Variants in ZNF490 observed in about 807,000 individuals in gnomAD.
ZNF490 encodes the protein zinc finger protein 490.
ZNF490 carries 11 observed loss-of-function variants against 17.7 expected under a neutral mutation model. The ratio of observed to expected loss-of-function variants is 0.62; its 90% CI spans 0.39 to 1.03. The LOEUF (loss-of-function observed/expected upper bound fraction) is 1.03, where lower values mean the gene tolerates loss of function less well. Among genes scored for constraint, ZNF490 ranks in the 50% least tolerant of loss-of-function variants. The pLI is 0.00. For synonymous variants in ZNF490, 222 were observed against 216.1 expected, an observed-to-expected ratio of 1.03 and a Z score of -0.24; for missense variants, 542 against 643.4, an observed-to-expected ratio of 0.84 and a Z score of 1.71.
At chr19:12,601,399 AC>A (rs1180257267) in intron 2 of ZNF490, among the ~76,000 whole-genome samples, 4 of 151,484 alleles carry the variant, frequency 2.6e-5, no homozygotes, top group African/African-American at 9.7e-5. Context: ...AAAAAAAAAA[AC>A]AAAAACAAAG....
chr19:12,603,691 C>T (rs2023033123), intron 2 of ZNF490, among the ~76,000 whole-genome samples: 1 of 151,078 alleles, frequency 6.6e-6, no homozygotes, highest in Non-Finnish European at 1.5e-5. Context: ...ACTCAGGAGG[C>T]TGTGGTGGGA....
chr19:12,598,240 A>C (rs1432744780), intron 2 of ZNF490, among the ~76,000 whole-genome samples: 1 of 104,940 alleles, frequency 9.5e-6, no homozygotes, highest in Non-Finnish European at 2.7e-5. Context: ...ACAACAATTA[A>C]AAAAAATAGC....
chr19:12,598,770 T>C (rs2022965554), intron 2 of ZNF490, among the ~76,000 whole-genome samples: 1 of 150,400 alleles, frequency 6.6e-6, no homozygotes, highest in Non-Finnish European at 1.5e-5. Flanking sequence ...AGGCGGATCA[T>C]GAGGTCAGGA....
intron 2 of ZNF490, among the ~76,000 whole-genome samples, chr19:12,588,183 G>C (rs986675637): frequency 6.6e-6 from 1 of 151,750 alleles, no homozygotes. Context: ...ATTTTTAGTA[G>C]AGATAGGGTT....
At chr19:12,597,595 T>TAACA (rs1355576021) in intron 2 of ZNF490, among the ~76,000 whole-genome samples, 1 of 152,210 alleles carries the variant, frequency 6.6e-6, no homozygotes, top group East Asian at 1.9e-4. Flanking sequence ...ATTGATTGAA[T>TAACA]AACATCCCAT....
intron 2 of ZNF490, among the ~76,000 whole-genome samples, chr19:12,589,630 A>G (rs2022843141): frequency 7.3e-6 from 1 of 137,352 alleles, no homozygotes; most frequent in Admixed American, 7.9e-5. Flanking sequence ...TATATTGGCT[A>G]TTCAGAGGCG....
Position 12,583,754 on chromosome 19 carries a change from GCGCTCTCTCTCTCTCT to G in ZNF490, c.163-214_163-199del, listed in dbSNP as rs1325173733. On this transcript the variant is annotated intron_variant, in intron 2 of 4. Coordinates refer to ENST00000311437, the MANE Select transcript of ZNF490 (RefSeq NM_020714.3). ...CTATCGTGAACATACAAAAATTATT[GCGCTCTCTCTCTCTCT>G]CTCTCTCTCTCTCTCTCTCTCTATA... 5.6e-3 allele frequency among the ~76,000 whole-genome samples: 393 copies of G among 70,370 alleles called. 9 individuals carry two copies. The highest frequency in any genetic ancestry group is 0.015 in the African/African-American group (271 of 17,598). 46.2% of individuals were successfully genotyped at this position (70,370 alleles called of 152,430 possible).
In ZNF490 at chr19:12,580,393, G is replaced by A. The variant is rs913188378; in HGVS notation, c.*92C>T. 23 of 1,504,164 alleles carry A rather than the reference G, an allele frequency of 1.5e-5. No individual in the cohort carries two copies. Among genetic ancestry groups the A allele is most frequent in the East Asian group, 1.1e-4 (5 of 44,066 alleles). The allele number at this position is 1,504,164 out of a possible 1,614,324, so 93.2% of individuals were successfully genotyped here. ...GGACAACTGAAGGCTTAATCACACC[G>A]TTTACATTCCTTGAATTTCTCTCCA... is the stretch of plus-strand genomic sequence containing the variant. On this transcript the variant is annotated 3_prime_UTR_variant, in exon 5 of 5. Transcript: ENST00000311437.
At chr19:12,586,020 G>A (rs1228244263) in intron 2 of ZNF490, among the ~76,000 whole-genome samples, 1 of 92,314 alleles carries the variant, frequency 1.1e-5, no homozygotes, top group East Asian at 2.1e-4. Flanking sequence ...AGTAGAACAG[G>A]CCAGGTGTGG....
Position 12,578,332 on chromosome 19 carries a change from G to A in ZNF490, c.*2153C>T. The A allele has an allele frequency of 1.0e-6, 1 of 985,634 alleles. No individual in the cohort carries two copies. 61.1% of individuals were successfully genotyped at this position (985,634 alleles called of 1,614,324 possible). A position where few individuals can be genotyped will look rare whatever the true frequency, so the allele number is the denominator to read the frequency against. On this transcript the variant is annotated 3_prime_UTR_variant, in exon 5 of 5. Transcript: ENST00000311437. ...TGTCTGTGACTCCACTAGCAGTTTT[G>A]AGATTATTCTGACTGTGGTGGTTGG... is the stretch of plus-strand genomic sequence containing the variant.
chr19:12,608,197 G>A lies in ZNF490; in HGVS notation c.162+961C>T, dbSNP rs117944879. Among the ~76,000 whole-genome samples, 887 of 152,204 alleles carry A rather than the reference G, an allele frequency of 5.8e-3. 6 individuals are homozygous for A. Among genetic ancestry groups the A allele is most frequent in the Admixed American group, 9.4e-3 (144 of 15,276 alleles). On this transcript the variant is annotated intron_variant, in intron 2 of 4. Transcript: ENST00000311437. ...CCCGACACTAACCCGTGCCTTATCC[G>A]TCTCTTGCATGTTTACCTTGAAGGT...
intron 2 of ZNF490, among the ~76,000 whole-genome samples, chr19:12,601,850 C>T (rs376116242): frequency 1.3e-5 from 2 of 151,494 alleles, no homozygotes; most frequent in African/African-American, 4.9e-5. Flanking sequence ...AAAAATTAGC[C>T]GGGCTTGGTG....
chr19:12,604,253 C>T (rs922382284), intron 2 of ZNF490, among the ~76,000 whole-genome samples: 29 of 152,168 alleles, frequency 1.9e-4, no homozygotes, highest in African/African-American at 5.1e-4. Context: ...TGGTGGCTCA[C>T]GCCTGTAATC....
rs181189480 is a variant in ZNF490 at position 12,584,346 on chromosome 19, C to T, written c.163-790G>A. Among the ~76,000 whole-genome samples the T allele has an allele frequency of 4.0e-3, 354 of 88,266 alleles. 123 individuals carry two copies. The highest frequency in any genetic ancestry group is 0.013 in the Admixed American group (117 of 9,230). The allele number at this position is 88,266 out of a possible 152,430, so 57.9% of individuals were successfully genotyped here. The stretch of plus-strand genomic sequence containing the variant: ...TAATTTTTTGTATTTTTAGTAGAGA[C>T]GGGGTTTCACCATGTTAGCCAGGAT... On this transcript the variant is annotated intron_variant, in intron 2 of 4. Coordinates refer to ENST00000311437, the MANE Select transcript of ZNF490 (RefSeq NM_020714.3).
At chr19:12,610,305 C>A (rs1268353982) in intron 1 of ZNF490, among the ~76,000 whole-genome samples, 2 of 148,310 alleles carry the variant, frequency 1.3e-5, no homozygotes, top group Non-Finnish European at 3.0e-5. Flanking sequence ...CACCCACCCC[C>A]CGACCTCCCC....
intron 2 of ZNF490, among the ~76,000 whole-genome samples, chr19:12,608,663 A>T (rs2023102563): frequency 6.6e-6 from 1 of 151,936 alleles, no homozygotes; most frequent in Non-Finnish European, 1.5e-5. Flanking sequence ...TTTAATAGAG[A>T]TGAGGTTTCA....
Position 12,579,968 on chromosome 19 carries a change from G to C in ZNF490, c.*517C>G. 5.5e-6 allele frequency: 1 copy of C among 181,082 alleles called. No homozygotes were observed. Among genetic ancestry groups the C allele is most frequent in the Non-Finnish European group, 1.1e-5 (1 of 94,326 alleles). The allele number at this position is 181,082 out of a possible 1,614,324, so 11.2% of individuals were successfully genotyped here. ...ACTAAAATTACAAAATTAGCCAGGCGTGGTGGCGCATGCCTGTAATCCCAG... is the reference window on the plus strand; with the variant it reads ...ACTAAAATTACAAAATTAGCCAGGCCTGGTGGCGCATGCCTGTAATCCCAG... On this transcript the variant is annotated 3_prime_UTR_variant, in exon 5 of 5. Transcript: ENST00000311437.
chr19:12,583,756 G>GCTCTCTCTCTCTCTCTCT (rs1195574032), intron 2 of ZNF490, among the ~76,000 whole-genome samples, 200 bp from the exon 3 acceptor site: 2 of 29,766 alleles, frequency 6.7e-5, no homozygotes, highest in South Asian at 1.0e-3. Context: ...AAATTATTGC[G>GCTCTCTCTCTCTCTCTCT]CTCTCTCTCT....
At chr19:12,597,480 T>A (rs1029886959) in intron 2 of ZNF490, among the ~76,000 whole-genome samples, 4 of 152,200 alleles carry the variant, frequency 2.6e-5, no homozygotes. Context: ...ATTTGTTCTT[T>A]GCCCGAGGTC....
Sources: allele counts gnomAD v4.1 joint callset (sites outside exome capture counted in the v4.1 genomes callset), GRCh38; gene constraint gnomAD v4.1.1; transcripts MANE v1.5; gene names NCBI Gene and HGNC (gene_info 2026-07-23, HGNC 2026-07-21).